Variants in FBXL4 observed in about 807,000 individuals in gnomAD.
FBXL4 encodes the protein F-box and leucine rich repeat protein 4.
In FBXL4, 40 loss-of-function variants were observed where a neutral mutation model predicts 58.9. That is an observed-to-expected ratio of 0.68 (90% CI 0.53 to 0.88). The LOEUF (loss-of-function observed/expected upper bound fraction) is 0.88. FBXL4 is among the 40% of genes least tolerant of loss of function. The probability of loss-of-function intolerance (pLI) is 0.00; values close to 1 mark genes in which losing one functional copy is unlikely to be tolerated. For missense variants in FBXL4, 676 were observed against 734.4 expected (o/e 0.92, Z 0.92); for synonymous variants, 263 against 265.5 (o/e 0.99, Z 0.09).
rs149990708 is a variant in FBXL4, at chr6:98,886,793, G to A, written c.1318-6169C>T. On this transcript the variant is annotated intron_variant, in intron 7 of 9. Coordinates refer to ENST00000369244, the MANE Select transcript of FBXL4 (RefSeq NM_001278716.2). ...TCACTATATACTTTTTGGTATATCT[G>A]CCCAAAACAAAATCTCTTCTTTCTC... Among the ~76,000 whole-genome samples, 686 of 152,254 alleles carry A rather than the reference G, an allele frequency of 4.5e-3. 7 individuals are homozygous for A. Among genetic ancestry groups the A allele is most frequent in the African/African-American group, 0.015 (642 of 41,540 alleles).
intron 7 of FBXL4, chr6:98,898,317 T>C: frequency 1.0e-6 from 1 of 985,400 alleles, no homozygotes; most frequent in Non-Finnish European, 1.2e-6. Context: ...AAACAGTATG[T>C]ACTACAGGGG....
At chr6:98,890,069 A>G (rs1388626526) in intron 7 of FBXL4, among the ~76,000 whole-genome samples, 1 of 152,222 alleles carries the variant, frequency 6.6e-6, no homozygotes, top group Non-Finnish European at 1.5e-5. Context: ...GAGACCTTGT[A>G]TAATCAATGT....
intron 2 of FBXL4, among the ~76,000 whole-genome samples, chr6:98,930,940 T>C (rs1772989505): frequency 1.3e-5 from 2 of 152,142 alleles, no homozygotes; most frequent in Admixed American, 6.5e-5. Flanking sequence ...ACTGCAAAAA[T>C]AAAATTTAGG....
At position 98,942,242 on chromosome 6, in the gene FBXL4, A is replaced by G. The variant is rs114142498; in HGVS notation, c.-309+5564T>C. Among the ~76,000 whole-genome samples, 402 of 152,270 alleles carry G rather than the reference A, an allele frequency of 2.6e-3. 4 individuals are homozygous for G. Among genetic ancestry groups the G allele is most frequent in the African/African-American group, 9.2e-3 (383 of 41,514 alleles). On this transcript the variant is annotated intron_variant, in intron 1 of 9. Coordinates refer to ENST00000369244, the MANE Select transcript of FBXL4 (RefSeq NM_001278716.2). Reference sequence around the variant, plus strand: ...GAATTAAATACTTCAAAAACAGGGAAGACATACTATTCAAGTAACAGTGAC... The same window carrying G: ...GAATTAAATACTTCAAAAACAGGGAGGACATACTATTCAAGTAACAGTGAC...
chr6:98,874,528 T>C (rs1770585937), intron 9 of FBXL4, 87 bp from the exon 10 acceptor site: 1 of 1,372,824 alleles, frequency 7.3e-7, no homozygotes, highest in Non-Finnish European at 9.8e-7. Context: ...CATCCATGAT[T>C]TATTGTTTGT....
At position 98,869,783 on chromosome 6, in the gene FBXL4, T is replaced by C. The variant is rs1298509499; in HGVS notation, c.*4495A>G. 1.3e-5 allele frequency: 2 copies of C among 152,222 alleles called. No homozygotes were observed. The highest frequency in any genetic ancestry group is 4.8e-5 in the African/African-American group (2 of 41,466). The allele number at this position is 152,222 out of a possible 1,614,324, so 9.4% of individuals were successfully genotyped here. A position where few individuals can be genotyped will look rare whatever the true frequency, so the allele number is the denominator to read the frequency against. ...TGGGAAATGCCAAAAATAAAAATAC[T>C]GCCACAGAGAAATTAGTTTTTCTCT... On this transcript the variant is annotated 3_prime_UTR_variant, in exon 10 of 10. Transcript: ENST00000369244.
At position 98,914,989 on chromosome 6, in the gene FBXL4, G is replaced by A. The variant is rs993591073; in HGVS notation, c.858+2385C>T. The stretch of plus-strand genomic sequence containing the variant: ...AGCAAAGTCTCAGGATACAAAATCA[G>A]TGTACAAAAATCACAAGCATTCTTA... On this transcript the variant is annotated intron_variant, in intron 5 of 9. Transcript: ENST00000369244. Among the ~76,000 whole-genome samples, 41 of 152,144 alleles carry A rather than the reference G, an allele frequency of 2.7e-4. 2 individuals carry two copies. The highest frequency in any genetic ancestry group is 1.6e-3 in the Admixed American group (24 of 15,282).
At chr6:98,900,052 T>C (rs762724709) in intron 6 of FBXL4, among the ~76,000 whole-genome samples, 14 of 152,216 alleles carry the variant, frequency 9.2e-5, no homozygotes, top group African/African-American at 1.7e-4. Flanking sequence ...TTGCTTGATA[T>C]TGAAAATATT....
chr6:98,903,656 A>G (rs763159818), intron 6 of FBXL4, among the ~76,000 whole-genome samples: 5 of 152,140 alleles, frequency 3.3e-5, no homozygotes, highest in Non-Finnish European at 7.4e-5. Flanking sequence ...TCTTCTTATA[A>G]GTGATGTTTC....
chr6:98,905,377 T>A (rs1435336104), intron 6 of FBXL4, 49 bp downstream of exon 6: 2 of 1,601,452 alleles, frequency 1.2e-6, no homozygotes, highest in Non-Finnish European at 1.7e-6. Flanking sequence ...ATAATAAGTA[T>A]AACCTGCTGC....
intron 7 of FBXL4, among the ~76,000 whole-genome samples, chr6:98,891,673 C>T (rs766981717): frequency 4.5e-4 from 68 of 150,094 alleles, no homozygotes; most frequent in Non-Finnish European, 8.0e-4. Flanking sequence ...TCACTTGAGC[C>T]CAGGAGGTTG....
At chr6:98,898,480 C>G in intron 7 of FBXL4, 2 of 960,636 alleles carry the variant, frequency 2.1e-6, no homozygotes, top group Non-Finnish European at 1.2e-6. Flanking sequence ...TGGCACGTGC[C>G]TGTAATCCCA....
At chr6:98,942,616 G>A (rs969578138) in intron 1 of FBXL4, among the ~76,000 whole-genome samples, 1 of 152,044 alleles carries the variant, frequency 6.6e-6, no homozygotes, top group Non-Finnish European at 1.5e-5. Context: ...ATTTCCTGAG[G>A]CCTCGCAGAA....
intron 6 of FBXL4, among the ~76,000 whole-genome samples, chr6:98,900,473 G>A (rs1474439529): frequency 1.3e-5 from 2 of 152,168 alleles, no homozygotes; most frequent in Non-Finnish European, 2.9e-5. Flanking sequence ...AAGTAACACT[G>A]GTTAAAAGAT....
Position 98,898,851 on chromosome 6 carries a change from T to A in FBXL4, c.1317+417A>T, listed in dbSNP as rs188655654. ...ATGATTCCTTTTTAAATGAGACTCA[T>A]TAACTATGGTATTACAAATTTTAAC... On this transcript the variant is annotated intron_variant, in intron 7 of 9. Transcript: ENST00000369244. 7.7e-5 allele frequency: 76 copies of A among 985,352 alleles called. No individual in the cohort carries two copies. In the African/African-American group the frequency reaches 1.3e-3, roughly 17 times the overall value. 61.0% of individuals were successfully genotyped at this position (985,352 alleles called of 1,614,324 possible).
chr6:98,929,722 G>A (rs183674600), intron 2 of FBXL4, among the ~76,000 whole-genome samples: 5 of 152,256 alleles, frequency 3.3e-5, no homozygotes, highest in East Asian at 3.9e-4. Flanking sequence ...ATTCAGAGAC[G>A]TTATTTAAAG....
chr6:98,899,903 A>G (rs752651333), intron 6 of FBXL4, among the ~76,000 whole-genome samples: 1 of 152,206 alleles, frequency 6.6e-6, no homozygotes, highest in Non-Finnish European at 1.5e-5. Flanking sequence ...TATTTTGAAC[A>G]CTGCACACGA....
intron 4 of FBXL4, among the ~76,000 whole-genome samples, chr6:98,918,083 C>G (rs1448120942): frequency 6.6e-6 from 1 of 152,114 alleles, no homozygotes; most frequent in Non-Finnish European, 1.5e-5. Flanking sequence ...AAACCAACTG[C>G]GGAAACTAAA....
chr6:98,898,674 GA>G (rs1771493002), intron 7 of FBXL4: 3 of 985,142 alleles, frequency 3.0e-6, no homozygotes, highest in Non-Finnish European at 2.4e-6. Flanking sequence ...AAAACAACTG[GA>G]AAAACTAAAT....
Sources: allele counts gnomAD v4.1 joint callset (sites outside exome capture counted in the v4.1 genomes callset), GRCh38; gene constraint gnomAD v4.1.1; transcripts MANE v1.5; gene names NCBI Gene and HGNC (gene_info 2026-07-23, HGNC 2026-07-21).